The following ARFRP1 variants were observed in gnomAD, a reference collection of about 807,000 sequenced individuals.
ARFRP1 encodes ADP-ribosylation factor-related protein 1.
A neutral mutation model predicts 30.3 loss-of-function variants in ARFRP1; 19 were observed. The observed-to-expected ratio is 0.63, with a 90% CI of 0.44 to 0.92. ARFRP1 has a LOEUF of 0.92. Among genes scored for constraint, ARFRP1 ranks in the 40% least tolerant of loss-of-function variants. The pLI, the probability that ARFRP1 is intolerant of heterozygous loss-of-function variation, is 0.00. For synonymous variants in ARFRP1, 133 were observed against 114.2 expected (o/e 1.16, Z -1.05); for missense variants, 245 against 267.5 (o/e 0.92, Z 0.59).
At chr20:63,706,904 T>G in intron 2 of ARFRP1, 95 bp downstream of exon 2, 2 of 1,478,206 alleles carry the variant, frequency 1.4e-6, no homozygotes, top group South Asian at 2.3e-5. Context: ...AAATTTGGCT[T>G]CCGTCTGGGT....
intron 6 of ARFRP1, chr20:63,701,430 G>A: frequency 2.0e-6 from 1 of 504,668 alleles, no homozygotes; most frequent in South Asian, 1.5e-5. Flanking sequence ...TGGCACAGAT[G>A]CCACCTCCAA....
At position 63,702,570 on chromosome 20, in the gene ARFRP1, T is replaced by G. The variant is rs6011039; in HGVS notation, c.265-353A>C. ...TTCACGGCCAACCTGGGCAACACAG[T>G]GAGACTCCGTCTGTACAAAAGCTTA... On this transcript the variant is annotated intron_variant, in intron 4 of 7. Transcript: ENST00000622789. The G allele has an allele frequency of 2.6e-3, 847 of 321,940 alleles. 7 individuals are homozygous for G. Among genetic ancestry groups the G allele is most frequent in the African/African-American group, 0.017 (794 of 46,466 alleles). 19.9% of individuals were successfully genotyped at this position (321,940 alleles called of 1,614,324 possible).
At chr20:63,701,208 G>T (rs761572339) in intron 6 of ARFRP1, 1 of 529,146 alleles carries the variant, frequency 1.9e-6, no homozygotes, top group South Asian at 1.4e-5. Context: ...CCTCTTGTCG[G>T]CTGAGATTGT....
chr20:63,706,736 G>A lies in ARFRP1; in HGVS notation c.96C>T (p.Thr32=), dbSNP rs1488931269. 1.2e-6 allele frequency: 2 copies of A among 1,612,020 alleles called. No homozygotes were observed. Among genetic ancestry groups the A allele is most frequent in the Admixed American group, 3.3e-5 (2 of 60,020 alleles). Residue 32 remains threonine (T), a splice_region_variant and synonymous_variant, in exon 3 of 8, where the codon ACC becomes ACT. Transcript: ENST00000622789. ...ATCGGGTTTTCGACTGCTCCAGGAA[G>A]GTCTGAGGAGAGAGGCAGAGGCGAA... ...ILGLDNAGKT[T]FLEQSKTRFN...
intron 1 of ARFRP1, 49 bp downstream of exon 1, chr20:63,707,818 C>T (rs1223736080): frequency 6.6e-6 from 1 of 152,456 alleles, no homozygotes; most frequent in Non-Finnish European, 1.5e-5. Context: ...ACCTCGAGTC[C>T]TGGGCCGCCC....
At chr20:63,706,811 T>C in intron 2 of ARFRP1, 73 bp from the exon 3 acceptor site, 1 of 1,386,846 alleles carries the variant, frequency 7.2e-7, no homozygotes, top group South Asian at 1.2e-5. Context: ...TACTCAGGTC[T>C]GTTCTTTAAA....
Position 63,706,685 on chromosome 20 carries a change from A to T in ARFRP1, c.147T>A (p.Ser49Arg). The T allele has an allele frequency of 6.2e-7, 1 of 1,613,808 alleles. No individual in the cohort carries two copies. The highest frequency in any genetic ancestry group is 1.7e-5 in the Admixed American group (1 of 60,012). Residue 49 changes from serine (S) to arginine (R), a missense_variant, in exon 3 of 8, where the codon AGT (serine) becomes AGA (arginine). Coordinates refer to ENST00000622789, the MANE Select transcript of ARFRP1 (RefSeq NM_001267547.3). ...CCACGGTGGTGGTGATTTTGGATAG[A>T]CTCATCCCCTTGTAGTTCTTGTTAA... The part of the protein sequence containing the change: ...TRFNKNYKGM[S>R]LSKITTTVGL...
intron 3 of ARFRP1, 23 bp downstream of exon 3, chr20:63,706,628 C>G (rs1216017942): frequency 6.3e-7 from 1 of 1,585,842 alleles, no homozygotes; most frequent in Non-Finnish European, 8.7e-7. Flanking sequence ...CCCAAACCCA[C>G]AGCCTGCTAT....
At chr20:63,701,483 G>A in intron 6 of ARFRP1, 1 of 491,596 alleles carries the variant, frequency 2.0e-6, no homozygotes, top group Non-Finnish European at 3.9e-6. Flanking sequence ...CTCCCACCAG[G>A]GCCCCAGCAT....
rs75186556 is a variant in ARFRP1 at position 63,705,972 on chromosome 20, C to T, written c.264+385G>A. 1,802 of 347,806 alleles carry T rather than the reference C, an allele frequency of 5.2e-3. 34 individuals carry two copies. The highest frequency in any genetic ancestry group is 0.036 in the African/African-American group (1,707 of 46,942). The allele number at this position is 347,806 out of a possible 1,614,324, so 21.5% of individuals were successfully genotyped here. On this transcript the variant is annotated intron_variant, in intron 4 of 7. Transcript: ENST00000622789. ...GCCCCAGCCCTGAACCCAGATCCCC[C>T]CCGGCTTCAGGCATGACCAGTGAAC...
intron 5 of ARFRP1, 98 bp from the exon 6 acceptor site, chr20:63,701,998 G>GCCCCCCCCCCCCCCGCC: frequency 1.7e-6 from 1 of 583,916 alleles, no homozygotes; most frequent in Non-Finnish European, 2.6e-6. Context: ...CACTCCCTCT[G>GCCCCCCCCCCCCCCGCC]CCCCCCCCCC....
Position 63,707,861 on chromosome 20 carries a change from G to A in ARFRP1, c.-7+6C>T, listed in dbSNP as rs2091574193. On this transcript the variant is annotated splice_donor_region_variant and intron_variant, in intron 1 of 7. Transcript: ENST00000622789. ...CTCGCGCCTCACCGCACAGCCTGCG[G>A]CCTACCTGCGTCCGCCGCGCCCTCG... The A allele has an allele frequency of 6.6e-6, 1 of 152,612 alleles. No individual in the cohort carries two copies. The highest frequency in any genetic ancestry group is 1.5e-5 in the Non-Finnish European group (1 of 68,398). 9.5% of individuals were successfully genotyped at this position (152,612 alleles called of 1,614,324 possible).
chr20:63,705,422 A>C (rs564515008), intron 4 of ARFRP1: 16 of 278,436 alleles, frequency 5.7e-5, no homozygotes, highest in Admixed American at 1.7e-4. Context: ...CGAGGAAGCC[A>C]CAGGCTCTGC....
chr20:63,701,997 T>TG, intron 5 of ARFRP1, 97 bp from the exon 6 acceptor site: 4 of 684,606 alleles, frequency 5.8e-6, no homozygotes, highest in African/African-American at 3.3e-5. Context: ...CCACTCCCTC[T>TG]GCCCCCCCCC....
intron 5 of ARFRP1, 106 bp from the exon 6 acceptor site, chr20:63,702,006 C>CCCA: frequency 9.9e-7 from 1 of 1,013,696 alleles, no homozygotes; most frequent in Admixed American, 2.3e-5. Flanking sequence ...CTGCCCCCCC[C>CCCA]CCCCCCGTCA....
At position 63,699,670 on chromosome 20, in the gene ARFRP1, G is replaced by A. The variant is rs1350714064; in HGVS notation, c.*773C>T. 4 of 152,856 alleles carry A rather than the reference G, an allele frequency of 2.6e-5. No homozygotes were observed. Among genetic ancestry groups the A allele is most frequent in the East Asian group, 1.9e-4 (1 of 5,232 alleles). 9.5% of individuals were successfully genotyped at this position (152,856 alleles called of 1,614,324 possible). A position where few individuals can be genotyped will look rare whatever the true frequency, so the allele number is the denominator to read the frequency against. On this transcript the variant is annotated 3_prime_UTR_variant, in exon 8 of 8. Transcript: ENST00000622789. Reference sequence around the variant, plus strand: ...CCTTACTCCCGAGCAGGGGACACAGGGCCCCACAGAGAACCCCTCCGGGAG... The same window carrying A: ...CCTTACTCCCGAGCAGGGGACACAGAGCCCCACAGAGAACCCCTCCGGGAG...
At chr20:63,701,997 T>TCCCCCCCCC (rs1438519956) in intron 5 of ARFRP1, 97 bp from the exon 6 acceptor site, 2 of 684,602 alleles carry the variant, frequency 2.9e-6, no homozygotes, top group African/African-American at 3.3e-5. Context: ...CCACTCCCTC[T>TCCCCCCCCC]GCCCCCCCCC....
In ARFRP1 at chr20:63,700,644, C is replaced by G; in HGVS notation, c.476G>C (p.Gly159Ala). Residue 159 changes from glycine to alanine, a missense_variant, in exon 7 of 8, where the codon GGC (glycine) becomes GCC (alanine). Gly to Ala is a moderately conservative substitution (Grantham distance 60). Transcript: ENST00000622789. ...GGCCTGGGTCAGGCAATCTCGCCTG[C>G]CGATCTTGCTGGTGCAGTCGCTGAA... ...TAFSDCTSKI[G>A]RRDCLTQACS... 6.2e-7 allele frequency: 1 copy of G among 1,610,882 alleles called. No individual in the cohort carries two copies. Among genetic ancestry groups the G allele is most frequent in the Non-Finnish European group, 8.5e-7 (1 of 1,179,840 alleles).
At chr20:63,705,286 T>G (rs972848703) in intron 4 of ARFRP1, 2 of 161,398 alleles carry the variant, frequency 1.2e-5, no homozygotes, top group Non-Finnish European at 2.7e-5. Flanking sequence ...TGGGGGCGCC[T>G]AGGAAAGGGG....
Sources: gnomAD v4.1 joint callset for allele counts on GRCh38, gnomAD v4.1.1 for gene constraint, MANE v1.5 for transcripts, NCBI Gene and HGNC (gene_info 2026-07-23, HGNC 2026-07-21) for gene names.